The following GALNT2 variants were observed in gnomAD, a reference collection of about 807,000 sequenced individuals.
GALNT2 encodes the protein UDP-GalNAc:polypeptide N-acetylgalactosaminyltransferase 2.
Under a neutral mutation model 81.4 loss-of-function variants are expected in GALNT2, and 31 were observed. The ratio of observed to expected loss-of-function variants is 0.38; its 90% CI spans 0.29 to 0.51. The LOEUF is 0.51. Among genes scored for constraint, GALNT2 ranks in the 20% least tolerant of loss-of-function variants. GALNT2 has a pLI of 0.87. For synonymous variants in GALNT2, 303 were observed against 287.4 expected (o/e 1.05, Z -0.55); for missense variants, 629 against 765.7 (o/e 0.82, Z 2.11).
chr1:230,115,459 C>A (rs1014807716), intron 1 of GALNT2, among the ~76,000 whole-genome samples: 1 of 152,122 alleles, frequency 6.6e-6, no homozygotes, highest in Non-Finnish European at 1.5e-5. Context: ...ACTGTATTGC[C>A]GTCTGTGAAT....
At chr1:230,167,657 A>AT (rs1445395616) in intron 1 of GALNT2, among the ~76,000 whole-genome samples, 2 of 152,184 alleles carry the variant, frequency 1.3e-5, no homozygotes, top group African/African-American at 2.4e-5. Flanking sequence ...GGATATTGAC[A>AT]TGGAGGTCAG....
chr1:230,066,295 A>C (rs1234339605), upstream of GALNT2, among the ~76,000 whole-genome samples: 1 of 152,274 alleles, frequency 6.6e-6, no homozygotes, highest in Non-Finnish European at 1.5e-5. Context: ...AAGGTTACAT[A>C]GATTATGTTA....
In GALNT2 at chr1:230,257,726, A is replaced by G. The variant is rs1285114053; in HGVS notation, c.1136+2382A>G. 6.6e-6 allele frequency among the ~76,000 whole-genome samples: 1 copy of G among 152,214 alleles called. No homozygotes were observed. The highest frequency in any genetic ancestry group is 1.9e-4 in the East Asian group (1 of 5,194). On this transcript the variant is annotated intron_variant, in intron 11 of 15. Coordinates refer to ENST00000366672, the MANE Select transcript of GALNT2 (RefSeq NM_004481.5). The surrounding 1 kb of genome is among the most constrained non-coding windows in gnomAD (Gnocchi z 4.6). ...GGTGTGTAGCAGTGGAGATGGGGTGAGATCCAGCTCCATGGTGAAGCAGGC... is the reference window on the plus strand; with the variant it reads ...GGTGTGTAGCAGTGGAGATGGGGTGGGATCCAGCTCCATGGTGAAGCAGGC...
intron 1 of GALNT2, among the ~76,000 whole-genome samples, chr1:230,116,076 G>A (rs4846833): frequency 0.71 from 107,630 of 152,080 alleles, 38,335 homozygotes; most frequent in African/African-American, 0.77. Context: ...CTTCTTCCAC[G>A]CTCTGGTTAG....
rs58544942 is a variant in GALNT2, at chr1:230,252,843, C to CTTTTTTTTTTTTTTTTTT, written c.1009+2288_1009+2305dup. ...TTATTTTCTGAAATAGAGACAACTTCTTTTTTTTTTTTTTTTTTTTTTGAG... is the reference window on the plus strand; with the variant it reads ...TTATTTTCTGAAATAGAGACAACTTCTTTTTTTTTTTTTTTTTTTTTTTTTTTTTTTTTTTTTTTTGAG... On this transcript the variant is annotated intron_variant, in intron 10 of 15. Transcript: ENST00000366672. 1.0e-4 allele frequency among the ~76,000 whole-genome samples: 8 copies of CTTTTTTTTTTTTTTTTTT among 78,950 alleles called. 1 individual carries two copies. The highest frequency in any genetic ancestry group is 1.9e-4 in the Admixed American group (1 of 5,314). 51.8% of individuals were successfully genotyped at this position (78,950 alleles called of 152,430 possible). A position where few individuals can be genotyped will look rare whatever the true frequency, so the allele number is the denominator to read the frequency against.
intron 1 of GALNT2, among the ~76,000 whole-genome samples, chr1:230,088,536 G>GTT (rs769354458): frequency 1.8e-4 from 25 of 141,560 alleles, no homozygotes; most frequent in Non-Finnish European, 1.6e-4. Flanking sequence ...CTTCTGTCTA[G>GTT]TTTTTTTTTT....
At chr1:230,189,410 T>C (rs1663444940) in intron 2 of GALNT2, among the ~76,000 whole-genome samples, 1 of 152,154 alleles carries the variant, frequency 6.6e-6, no homozygotes, top group South Asian at 2.1e-4. Context: ...TAAAGATGAA[T>C]GAAATGGGAA....
chr1:230,265,432 A>G, intron 14 of GALNT2, 65 bp downstream of exon 14: 1 of 1,603,184 alleles, frequency 6.2e-7, no homozygotes, highest in South Asian at 1.1e-5. Flanking sequence ...GGGGGTCCTG[A>G]TGTTAGAAGT....
chr1:230,198,795 G>T (rs1030890961), intron 2 of GALNT2, among the ~76,000 whole-genome samples: 1 of 152,184 alleles, frequency 6.6e-6, no homozygotes, highest in African/African-American at 2.4e-5. Flanking sequence ...CCACATCTAA[G>T]AGAAGTCTAT....
chr1:230,258,265 C>A (rs752116652), intron 11 of GALNT2, among the ~76,000 whole-genome samples: 2 of 148,762 alleles, frequency 1.3e-5, no homozygotes, highest in African/African-American at 5.0e-5. Flanking sequence ...GTTTCGATCT[C>A]GTTGCCCACA....
chr1:230,102,884 C>A (rs184159031), intron 1 of GALNT2, among the ~76,000 whole-genome samples: 13 of 152,086 alleles, frequency 8.5e-5, no homozygotes, highest in African/African-American at 3.1e-4. Flanking sequence ...AGTGGAGAGG[C>A]GGGGCCATGG....
intron 1 of GALNT2, among the ~76,000 whole-genome samples, chr1:230,083,317 G>C (rs1235736158): frequency 6.7e-6 from 1 of 150,092 alleles, no homozygotes; most frequent in Non-Finnish European, 1.5e-5. Flanking sequence ...TGATGGAGTG[G>C]GGAGCGAGGA....
chr1:230,215,942 A>G (rs1664378490), intron 3 of GALNT2, among the ~76,000 whole-genome samples: 1 of 152,260 alleles, frequency 6.6e-6, no homozygotes, highest in African/African-American at 2.4e-5. Flanking sequence ...TGTGTGTGAC[A>G]TGGCTGGCAG....
chr1:230,180,209 C>T lies in GALNT2; in HGVS notation c.220+1898C>T, dbSNP rs145998587. Among the ~76,000 whole-genome samples, 24 of 152,074 alleles carry T rather than the reference C, an allele frequency of 1.6e-4. No homozygotes were observed. In the East Asian group the frequency reaches 1.9e-3, roughly 12 times the overall value. ...GCTGGAATTACAGCGGGAGCCACCA[C>T]GCCTGGCCTACTTTGGTGTTTTACA... On this transcript the variant is annotated intron_variant, in intron 2 of 15. Transcript: ENST00000366672.
chr1:230,159,498 C>T (rs12065546), intron 1 of GALNT2, among the ~76,000 whole-genome samples: 130,979 of 152,156 alleles, frequency 0.86, 56,452 homozygotes, highest in East Asian at 0.96. Context: ...AACTAAAGTC[C>T]GGTTAGTTGA....
At chr1:230,236,611 C>T (rs1462236932) in intron 5 of GALNT2, 49 bp from the exon 6 acceptor site, 1 of 1,566,590 alleles carries the variant, frequency 6.4e-7, no homozygotes, top group South Asian at 1.1e-5. Flanking sequence ...AATGCAAAGC[C>T]CTTTATGAAC....
intron 1 of GALNT2, among the ~76,000 whole-genome samples, chr1:230,102,613 T>C (rs192724135): frequency 4.6e-5 from 7 of 152,252 alleles, no homozygotes; most frequent in East Asian, 1.9e-4. Flanking sequence ...AATTGTTCAT[T>C]GATTTGACAT....
chr1:230,105,149 G>A (rs1660505952), intron 1 of GALNT2, among the ~76,000 whole-genome samples: 1 of 152,212 alleles, frequency 6.6e-6, no homozygotes, highest in African/African-American at 2.4e-5. Flanking sequence ...CCTTTTCCCA[G>A]CTGGCACAGA....
chr1:230,195,940 G>A (rs1215421623), intron 2 of GALNT2, among the ~76,000 whole-genome samples: 1 of 152,148 alleles, frequency 6.6e-6, no homozygotes, highest in African/African-American at 2.4e-5. Flanking sequence ...CCTGAGCAGG[G>A]GGCAGATGTG....
Sources: allele counts gnomAD v4.1 joint callset (sites outside exome capture counted in the v4.1 genomes callset), GRCh38; gene constraint gnomAD v4.1.1; non-coding constraint Gnocchi (gnomAD v3.1); transcripts MANE v1.5; gene names NCBI Gene and HGNC (gene_info 2026-07-23, HGNC 2026-07-21).